RTN4: variants seen among roughly 807,000 people sequenced by gnomAD.
RTN4 encodes the protein reticulon-4.
RTN4 carries 32 observed loss-of-function variants against 90.4 expected under a neutral mutation model. That is an observed-to-expected ratio of 0.35 (90% CI 0.27 to 0.48). RTN4 has a LOEUF of 0.48. RTN4 is among the 20% of genes least tolerant of loss of function. The pLI is 0.99. For missense variants in RTN4, 1,706 were observed against 1,430.2 expected (o/e 1.19, Z -3.11); for synonymous variants, 629 against 552.5 (o/e 1.14, Z -1.94).
chr2:55,081,062 A>G (rs1345717567), intron 1 of RTN4, among the ~76,000 whole-genome samples: 1 of 149,820 alleles, frequency 6.7e-6, no homozygotes, highest in Non-Finnish European at 1.5e-5. Flanking sequence ...TCTTTCTTTC[A>G]TTCTTTCATT....
chr2:55,023,716 ACTT>A (rs1392817289), intron 3 of RTN4, among the ~76,000 whole-genome samples: 5 of 152,028 alleles, frequency 3.3e-5, no homozygotes, highest in African/African-American at 7.2e-5. Context: ...AAAATCTCAA[ACTT>A]CTTAAGAGTA....
intron 5 of RTN4, among the ~76,000 whole-genome samples, chr2:54,979,015 G>C (rs1217179648): frequency 6.6e-6 from 1 of 151,620 alleles, no homozygotes; most frequent in Non-Finnish European, 1.5e-5. Flanking sequence ...AAGTAATACA[G>C]TCCACTATTA....
At chr2:54,980,746 GAATTA>G (rs1678053145) in intron 5 of RTN4, among the ~76,000 whole-genome samples, 2 of 152,128 alleles carry the variant, frequency 1.3e-5, no homozygotes, top group Non-Finnish European at 2.9e-5. Flanking sequence ...TTGAAGCTCT[GAATTA>G]CTACTTACAG....
In RTN4 at chr2:55,033,589, T is replaced by C. The variant is rs537034616; in HGVS notation, c.557-5369A>G. On this transcript the variant is annotated intron_variant, in intron 1 of 8. Transcript: ENST00000337526. ...ATGGCCCTTAAGCACAGCGCTGACA[T>C]GGTATCGAGTGTTTTTAACCACAAG... 2.0e-5 allele frequency among the ~76,000 whole-genome samples: 3 copies of C among 152,256 alleles called. No individual in the cohort carries two copies. The East Asian group carries it at 5.8e-4, about 29-fold the overall frequency.
At chr2:55,021,652 T>A (rs1394186638) in intron 3 of RTN4, among the ~76,000 whole-genome samples, 1 of 152,136 alleles carries the variant, frequency 6.6e-6, no homozygotes, top group African/African-American at 2.4e-5. Flanking sequence ...CAGATGCCTG[T>A]TATATAATCA....
At chr2:54,998,218 G>A (rs977838535) in intron 3 of RTN4, among the ~76,000 whole-genome samples, 2 of 148,998 alleles carry the variant, frequency 1.3e-5, no homozygotes, top group Admixed American at 6.7e-5. Flanking sequence ...ACTGCTAGAG[G>A]GTGTGGGGGG....
rs1668022969 is a variant in RTN4, at chr2:55,050,148, C to T, written c.153G>A (p.Glu51=). The T allele has an allele frequency of 1.3e-6, 2 of 1,556,144 alleles. No individual in the cohort carries two copies. Among genetic ancestry groups the T allele is most frequent in the Non-Finnish European group, 8.6e-7 (1 of 1,159,084 alleles). The change falls in exon 1 of 9, where the codon GAG becomes GAA. Residue 51 remains glutamate (E), a synonymous_variant. Transcript: ENST00000337526. The surrounding 1 kb of genome is among the most constrained non-coding windows in gnomAD (Gnocchi z 4.6). ...EEEDEDEDLE[E]LEVLERKPAA... ...CGGGCTTCCTCTCCAGCACCTCCAG[C>T]TCCTCCAGGTCTTCGTCCTCGTCCT...
At chr2:55,061,518 C>T (rs1436048718) in intron 2 of RTN4, among the ~76,000 whole-genome samples, 1 of 152,206 alleles carries the variant, frequency 6.6e-6, no homozygotes, top group Non-Finnish European at 1.5e-5. Flanking sequence ...GAGGACCACA[C>T]ATCACATCTG....
At chr2:54,976,093 C>A (rs1170162594) in intron 5 of RTN4, among the ~76,000 whole-genome samples, 1 of 152,144 alleles carries the variant, frequency 6.6e-6, no homozygotes, top group Non-Finnish European at 1.5e-5. Flanking sequence ...TTATTTTTAT[C>A]CATCACTATC....
At chr2:55,041,134 G>C (rs1186670526) in intron 1 of RTN4, among the ~76,000 whole-genome samples, 2 of 149,472 alleles carry the variant, frequency 1.3e-5, no homozygotes, top group African/African-American at 2.5e-5. Context: ...TTCTTTCTCA[G>C]TCAATTATCA....
At chr2:55,043,036 C>G (rs1683179059) in intron 1 of RTN4, among the ~76,000 whole-genome samples, 1 of 152,130 alleles carries the variant, frequency 6.6e-6, no homozygotes, top group African/African-American at 2.4e-5. Context: ...ATGAAATTAT[C>G]AACTCCTCCT....
At position 54,973,618 on chromosome 2, in the gene RTN4, G is replaced by C. The variant is rs1179563343; in HGVS notation, c.3481C>G (p.Gln1161Glu). Reference protein sequence around the residue: ...VPVIYERHQAQIDHYLGLANK... With the variant: ...VPVIYERHQAEIDHYLGLANK... ...GCAAGTCCTAGATAATGATCTATCTGTGCCTGAAAGAGAGGTATAAAGGAA... is the reference window on the plus strand; with the variant it reads ...GCAAGTCCTAGATAATGATCTATCTCTGCCTGAAAGAGAGGTATAAAGGAA... Residue 1161 changes from glutamine (Q) to glutamate (E), a missense_variant, in exon 8 of 9, where the codon CAG becomes GAG. Coordinates refer to ENST00000337526, the MANE Select transcript of RTN4 (RefSeq NM_020532.5). 1.2e-6 allele frequency: 2 copies of C among 1,608,214 alleles called. No individual in the cohort carries two copies. The highest frequency in any genetic ancestry group is 2.2e-5 in the East Asian group (1 of 44,780).
chr2:55,120,483 A>G, the RTN4 span, among the ~76,000 whole-genome samples: 1 of 152,016 alleles, frequency 6.6e-6, no homozygotes, highest in Middle Eastern at 3.4e-3. Flanking sequence ...CAAACCTCTC[A>G]CTGTCCCTCC....
chr2:55,054,938 C>T (rs1668163256), upstream of RTN4, among the ~76,000 whole-genome samples: 1 of 152,082 alleles, frequency 6.6e-6, no homozygotes, highest in African/African-American at 2.4e-5. Context: ...CATATTAAAT[C>T]CATTCTGTAA....
At chr2:55,086,522 T>C (rs982437688) in intron 1 of RTN4, among the ~76,000 whole-genome samples, 2 of 151,254 alleles carry the variant, frequency 1.3e-5, no homozygotes, top group African/African-American at 2.4e-5. Context: ...ATTTAAAAAT[T>C]AGCCAAGCAT....
At chr2:54,973,297 A>AAAT (rs1195500734) in intron 8 of RTN4, 99 bp from the exon 9 acceptor site, 1 of 1,117,676 alleles carries the variant, frequency 8.9e-7, no homozygotes, top group Admixed American at 2.2e-5. Context: ...CTAATACAAT[A>AAAT]AATGAAATCC....
At chr2:55,077,754 T>TCAC (rs1668628369) in intron 2 of RTN4, among the ~76,000 whole-genome samples, 1 of 55,130 alleles carries the variant, frequency 1.8e-5, no homozygotes, top group Non-Finnish European at 3.6e-5. Flanking sequence ...GAAAATGTTT[T>TCAC]ATACACACAC....
At chr2:55,097,825 G>A (rs557928588) in intron 1 of RTN4, among the ~76,000 whole-genome samples, 9 of 152,130 alleles carry the variant, frequency 5.9e-5, no homozygotes, top group African/African-American at 1.2e-4. Context: ...CTGGAGATAA[G>A]GATTTCTGAA....
the RTN4 span, among the ~76,000 whole-genome samples, chr2:55,126,766 G>C: frequency 1.3e-5 from 2 of 152,208 alleles, no homozygotes; most frequent in African/African-American, 4.8e-5. Flanking sequence ...CAAAGACATG[G>C]AGTCAACCTA....
Sources: allele counts gnomAD v4.1 joint callset (sites outside exome capture counted in the v4.1 genomes callset), GRCh38; gene constraint gnomAD v4.1.1; non-coding constraint Gnocchi (gnomAD v3.1); transcripts MANE v1.5; gene names NCBI Gene and HGNC (gene_info 2026-07-23, HGNC 2026-07-21).